The following TCERG1L variants were observed in gnomAD, a reference collection of about 807,000 sequenced individuals.
The protein encoded by TCERG1L is transcription elongation regulator 1-like protein.
A neutral mutation model predicts 56.3 loss-of-function variants in TCERG1L; 37 were observed. The observed-to-expected ratio is 0.66, with a 90% confidence interval of 0.51 to 0.87. The LOEUF (loss-of-function observed/expected upper bound fraction) is 0.87, where lower values mean the gene tolerates loss of function less well. TCERG1L is among the 40% of genes least tolerant of loss of function. TCERG1L has a pLI of 0.00. For synonymous variants in TCERG1L, 324 were observed against 326.3 expected, an observed-to-expected ratio of 0.99 and a Z score of 0.08; for missense variants, 799 against 774.2, an observed-to-expected ratio of 1.03 and a Z score of -0.38.
chr10:131,194,566 T>C (rs1398919669), intron 4 of TCERG1L, among the ~76,000 whole-genome samples: 1 of 152,224 alleles, frequency 6.6e-6, no homozygotes, highest in East Asian at 1.9e-4. Context: ...CATTATTTTC[T>C]AGTGGAGCTT....
intron 9 of TCERG1L, among the ~76,000 whole-genome samples, chr10:131,115,850 G>A (rs1845454879): frequency 6.6e-6 from 1 of 152,148 alleles, no homozygotes; most frequent in Non-Finnish European, 1.5e-5. Flanking sequence ...CCCTGTGAGG[G>A]TTCTGCTCAG....
intron 4 of TCERG1L, among the ~76,000 whole-genome samples, chr10:131,192,582 C>T (rs1473670588): frequency 6.9e-6 from 1 of 144,358 alleles, no homozygotes; most frequent in East Asian, 1.9e-4. Context: ...TTTATAACAG[C>T]ACAATTCACA....
At chr10:131,123,604 C>A (rs188645424) in intron 8 of TCERG1L, among the ~76,000 whole-genome samples, 272 of 152,248 alleles carry the variant, frequency 1.8e-3, no homozygotes, top group African/African-American at 6.4e-3. Context: ...CCTTTCACTC[C>A]CAGGGACATG....
intron 4 of TCERG1L, among the ~76,000 whole-genome samples, chr10:131,237,208 C>T (rs900273127): frequency 6.6e-6 from 1 of 152,126 alleles, no homozygotes; most frequent in African/African-American, 2.4e-5. Context: ...AAACCCCTCA[C>T]CCTCCAAGCT....
In TCERG1L at chr10:131,189,813, C is replaced by T. The variant is rs146626553; in HGVS notation, c.857-22928G>A. Among the ~76,000 whole-genome samples the T allele has an allele frequency of 7.8e-3, 1,185 of 152,178 alleles. 33 individuals carry two copies. In the South Asian group the frequency reaches 0.097, roughly 12 times the overall value. ...TCCCACCAACAGCATACAAGAGTTC[C>T]TTTTTTCTGAATCCTCACCAACATC... On this transcript the variant is annotated intron_variant, in intron 4 of 11. Coordinates refer to ENST00000368642, the MANE Select transcript of TCERG1L (RefSeq NM_174937.4).
chr10:131,096,986 G>A (rs747474403), intron 11 of TCERG1L, among the ~76,000 whole-genome samples: 5 of 151,768 alleles, frequency 3.3e-5, no homozygotes, highest in Non-Finnish European at 5.9e-5. Context: ...GATCACCTGA[G>A]GTCAGGAGTT....
chr10:131,180,107 C>T (rs944671045), intron 4 of TCERG1L, among the ~76,000 whole-genome samples: 2 of 152,192 alleles, frequency 1.3e-5, no homozygotes, highest in African/African-American at 2.4e-5. Context: ...CAAGGGACTC[C>T]AGCACACAGC....
At position 131,311,210 on chromosome 10, in the gene TCERG1L, G is replaced by A. The variant is rs149666845; in HGVS notation, c.342+84C>T. ...CGCCGGGGAGGAGGGCGCGCGAGCC[G>A]GAGGCCAGAGCCGGGCCGGGCAGGG... On this transcript the variant is annotated intron_variant, in intron 1 of 11. Transcript: ENST00000368642. This position sits in a 1 kb window ranked among gnomAD's most constrained non-coding sequence, Gnocchi z 4.0. 1.6e-3 allele frequency: 1,786 copies of A among 1,096,152 alleles called. 25 individuals carry two copies. The African/African-American group carries it at 0.027, about 16-fold the overall frequency. The allele number at this position is 1,096,152 out of a possible 1,614,324, so 67.9% of individuals were successfully genotyped here. A position where few individuals can be genotyped will look rare whatever the true frequency, so the allele number is the denominator to read the frequency against.
chr10:131,186,104 C>T (rs1227091958), intron 4 of TCERG1L, among the ~76,000 whole-genome samples: 1 of 152,164 alleles, frequency 6.6e-6, no homozygotes, highest in African/African-American at 2.4e-5. Context: ...AAAAGCCAGA[C>T]ACAAAAGGTC....
chr10:131,251,574 G>A (rs1034124742), intron 4 of TCERG1L, among the ~76,000 whole-genome samples: 1 of 152,184 alleles, frequency 6.6e-6, no homozygotes, highest in African/African-American at 2.4e-5. Flanking sequence ...CCAGATATCC[G>A]GTCGCTGGAA....
intron 4 of TCERG1L, among the ~76,000 whole-genome samples, chr10:131,237,963 G>A (rs948321429): frequency 2.0e-5 from 3 of 152,188 alleles, no homozygotes; most frequent in East Asian, 1.9e-4. Context: ...CTTTCTGCCT[G>A]CAGAGCCCTA....
At chr10:131,203,488 C>T (rs1001614964) in intron 4 of TCERG1L, among the ~76,000 whole-genome samples, 2 of 152,192 alleles carry the variant, frequency 1.3e-5, no homozygotes, top group Non-Finnish European at 2.9e-5. Flanking sequence ...CAGGTGCTCA[C>T]GTCTCTATTT....
chr10:131,280,555 G>A (rs1846440332), intron 3 of TCERG1L, among the ~76,000 whole-genome samples: 1 of 151,982 alleles, frequency 6.6e-6, no homozygotes, highest in South Asian at 2.1e-4. Context: ...GCTGAGTGGT[G>A]ATTTTGAATA....
intron 3 of TCERG1L, among the ~76,000 whole-genome samples, chr10:131,272,289 C>A (rs961449166): frequency 6.6e-6 from 1 of 152,234 alleles, no homozygotes; most frequent in African/African-American, 2.4e-5. Flanking sequence ...GACTGAGGCG[C>A]CCTGCAGATT....
intron 4 of TCERG1L, among the ~76,000 whole-genome samples, chr10:131,259,128 G>A (rs750220067): frequency 1.3e-5 from 2 of 152,156 alleles, no homozygotes; most frequent in Non-Finnish European, 2.9e-5. Flanking sequence ...TAGAAATAGC[G>A]AACGCCGAAG....
intron 11 of TCERG1L, among the ~76,000 whole-genome samples, chr10:131,096,627 G>T (rs563369586): frequency 1.3e-5 from 2 of 152,286 alleles, no homozygotes; most frequent in South Asian, 4.1e-4. Context: ...CAGGCCAGGC[G>T]CGGTGGCTCA....
chr10:131,282,130 C>T (rs1419969990), intron 3 of TCERG1L, among the ~76,000 whole-genome samples: 4 of 115,530 alleles, frequency 3.5e-5, no homozygotes, highest in African/African-American at 9.3e-5. Context: ...AGCAAGACTC[C>T]ATCTCAGAAA....
chr10:131,180,387 A>G (rs1327985430), intron 4 of TCERG1L, among the ~76,000 whole-genome samples: 1 of 152,248 alleles, frequency 6.6e-6, no homozygotes, highest in African/African-American at 2.4e-5. Context: ...TAAGGACACC[A>G]ATGTATTGCA....
chr10:131,133,182 C>T (rs1035147668), intron 8 of TCERG1L, among the ~76,000 whole-genome samples: 4 of 152,154 alleles, frequency 2.6e-5, no homozygotes, highest in African/African-American at 9.7e-5. Context: ...ACCCTCAAGC[C>T]CAGCTCTTGC....
Sources: gnomAD v4.1 joint callset for allele counts (sites outside exome capture counted in the v4.1 genomes callset) on GRCh38, gnomAD v4.1.1 for gene constraint, Gnocchi (gnomAD v3.1) non-coding constraint, MANE v1.5 for transcripts, NCBI Gene and HGNC (gene_info 2026-07-23, HGNC 2026-07-21) for gene names.